Variants in ADAT2 observed in about 807,000 individuals in gnomAD.
The protein encoded by ADAT2 is adenosine deaminase tRNA specific 2, also known as tRNA-specific adenosine-34 deaminase catalytic subunit ADAT2.
ADAT2 carries 26 observed loss-of-function variants against 25.9 expected under a neutral mutation model. The observed-to-expected ratio is 1.00, with a 90% CI of 0.74 to 1.39. The LOEUF is 1.39. ADAT2 is among the 40% of genes most tolerant of loss of function. The pLI is 0.00. For synonymous variants in ADAT2, 76 were observed against 86.8 expected (o/e 0.88, Z 0.69); for missense variants, 220 against 244.8 (o/e 0.90, Z 0.68).
Position 143,440,455 on chromosome 6 carries a change from G to A in ADAT2, c.97-1761C>T, listed in dbSNP as rs957243693. Among the ~76,000 whole-genome samples the A allele has an allele frequency of 1.3e-5, 2 of 152,178 alleles. No individual in the cohort carries two copies. The highest frequency in any genetic ancestry group is 2.9e-5 in the Non-Finnish European group (2 of 68,034). On this transcript the variant is annotated intron_variant, in intron 1 of 5. Transcript: ENST00000237283. The surrounding 1 kb of genome is among the most constrained non-coding windows in gnomAD (Gnocchi z 4.5). ...TTCATTTGGCCATTAGAGGAAAAAG[G>A]AGACGCCCACAGCAGGAGCAAACTG...
At position 143,427,378 on chromosome 6, in the gene ADAT2, T is replaced by C. The variant is rs1032449138; in HGVS notation, c.*1085A>G. On this transcript the variant is annotated 3_prime_UTR_variant, in exon 6 of 6. Coordinates refer to ENST00000237283, the MANE Select transcript of ADAT2 (RefSeq NM_182503.3). The stretch of plus-strand genomic sequence containing the variant: ...CCTCCAGGGCCTGGAGCTGAGCTTC[T>C]GGTGGAACGGCGAGGCCCCCTTCTG... 4.6e-5 allele frequency: 7 copies of C among 152,456 alleles called. No homozygotes were observed. Among genetic ancestry groups the C allele is most frequent in the Non-Finnish European group, 1.0e-4 (7 of 68,064 alleles). 9.4% of individuals were successfully genotyped at this position (152,456 alleles called of 1,614,324 possible).
At position 143,428,720 on chromosome 6, in the gene ADAT2, C is replaced by T. The variant is rs774068144; in HGVS notation, c.460-36G>A. 6.3e-7 allele frequency: 1 copy of T among 1,594,506 alleles called. No homozygotes were observed. The highest frequency in any genetic ancestry group is 1.1e-5 in the South Asian group (1 of 89,914). On this transcript the variant is annotated intron_variant, in intron 4 of 5. Coordinates refer to ENST00000237283, the MANE Select transcript of ADAT2 (RefSeq NM_182503.3). This position sits in a 1 kb window ranked among gnomAD's most constrained non-coding sequence, Gnocchi z 5.0. Reference sequence around the variant, plus strand: ...GAGAAAGTTGAGAATAAACATAGGCCTATGAAAATGTGTGCTGTATCCCAT... The same window carrying T: ...GAGAAAGTTGAGAATAAACATAGGCTTATGAAAATGTGTGCTGTATCCCAT...
rs1779387402 is a variant in ADAT2, at chr6:143,439,325, AAAG to A, written c.97-634_97-632del. 2.0e-5 allele frequency among the ~76,000 whole-genome samples: 3 copies of A among 146,884 alleles called. No individual in the cohort carries two copies. In the South Asian group the frequency reaches 6.4e-4, roughly 31 times the overall value. On this transcript the variant is annotated intron_variant, in intron 1 of 5. Coordinates refer to ENST00000237283, the MANE Select transcript of ADAT2 (RefSeq NM_182503.3). ...ACAAAATTCCACTCCTAAGTATTTA[AAAG>A]AAGGGAATATGTGTCTACAAAAAAA...
chr6:143,428,296 TA>T lies in ADAT2; in HGVS notation c.*166del. On this transcript the variant is annotated 3_prime_UTR_variant, in exon 6 of 6. Transcript: ENST00000237283. This position sits in a 1 kb window ranked among gnomAD's most constrained non-coding sequence, Gnocchi z 5.0. ...TAACTGTTTACAATTGTCAGACTTC[TA>T]AAAAGTGCTAATTTGTTCCCTTAAC... is the stretch of plus-strand genomic sequence containing the variant. 2 of 695,752 alleles carry T rather than the reference TA, an allele frequency of 2.9e-6. No individual in the cohort carries two copies. The highest frequency in any genetic ancestry group is 4.8e-6 in the Non-Finnish European group (2 of 419,702). 43.1% of individuals were successfully genotyped at this position (695,752 alleles called of 1,614,324 possible).
chr6:143,440,873 C>A lies in ADAT2; in HGVS notation c.97-2179G>T, dbSNP rs1237895444. 6.6e-6 allele frequency among the ~76,000 whole-genome samples: 1 copy of A among 152,098 alleles called. No individual in the cohort carries two copies. Among genetic ancestry groups the A allele is most frequent in the Non-Finnish European group, 1.5e-5 (1 of 68,008 alleles). On this transcript the variant is annotated intron_variant, in intron 1 of 5. Transcript: ENST00000237283. The surrounding 1 kb of genome is among the most constrained non-coding windows in gnomAD (Gnocchi z 4.5). ...AGAAGAGACAAATCATTTATTCATG[C>A]AAAAAATATTTGTTGAGGATCTTGA...
Position 143,446,371 on chromosome 6 carries a change from T to A in ADAT2, c.96+4192A>T, listed in dbSNP as rs1381153768. On this transcript the variant is annotated intron_variant, in intron 1 of 5. Coordinates refer to ENST00000237283, the MANE Select transcript of ADAT2 (RefSeq NM_182503.3). This position sits in a 1 kb window ranked among gnomAD's most constrained non-coding sequence, Gnocchi z 5.0. ...TATCTGATTCAACCAACTAGTCTCC[T>A]ATTATTTGACATTTAAGTGATTCAA... 2.6e-5 allele frequency among the ~76,000 whole-genome samples: 4 copies of A among 152,188 alleles called. No homozygotes were observed. Among genetic ancestry groups the A allele is most frequent in the Non-Finnish European group, 5.9e-5 (4 of 68,034 alleles).
chr6:143,449,126 G>A (rs1779680889), intron 1 of ADAT2, among the ~76,000 whole-genome samples: 1 of 151,798 alleles, frequency 6.6e-6, no homozygotes, highest in Non-Finnish European at 1.5e-5. Context: ...GGCTCACTGC[G>A]ACCTCAATCT....
rs1779018424 is a variant in ADAT2, at chr6:143,428,761, A to G, written c.460-77T>C. Reference sequence around the variant, plus strand: ...TGTATCCCATAAAAACAACATATATATACATGATTATGTAAACAGATTTCA... The same window carrying G: ...TGTATCCCATAAAAACAACATATATGTACATGATTATGTAAACAGATTTCA... On this transcript the variant is annotated intron_variant, in intron 4 of 5. Coordinates refer to ENST00000237283, the MANE Select transcript of ADAT2 (RefSeq NM_182503.3). The surrounding 1 kb of genome is among the most constrained non-coding windows in gnomAD (Gnocchi z 5.0). 2 of 1,303,178 alleles carry G rather than the reference A, an allele frequency of 1.5e-6. No individual in the cohort carries two copies. Among genetic ancestry groups the G allele is most frequent in the African/African-American group, 1.5e-5 (1 of 67,450 alleles). The allele number at this position is 1,303,178 out of a possible 1,614,324, so 80.7% of individuals were successfully genotyped here.
chr6:143,422,949 C>T lies in ADAT2; in HGVS notation c.*5514G>A, dbSNP rs1224468348. 6.6e-6 allele frequency: 1 copy of T among 152,164 alleles called. No homozygotes were observed. The highest frequency in any genetic ancestry group is 2.4e-5 in the African/African-American group (1 of 41,438). The allele number at this position is 152,164 out of a possible 1,614,324, so 9.4% of individuals were successfully genotyped here. On this transcript the variant is annotated 3_prime_UTR_variant, in exon 6 of 6. Coordinates refer to ENST00000237283, the MANE Select transcript of ADAT2 (RefSeq NM_182503.3). The surrounding 1 kb of genome is among the most constrained non-coding windows in gnomAD (Gnocchi z 4.3). ...AAATAAAACATTCTAAGCCAGAAAACATATTTTGGTATCTTAGATTTTTCC... is the reference window on the plus strand; with the variant it reads ...AAATAAAACATTCTAAGCCAGAAAATATATTTTGGTATCTTAGATTTTTCC...
At position 143,427,878 on chromosome 6, in the gene ADAT2, G is replaced by A. The variant is rs1327373518; in HGVS notation, c.*585C>T. Reference sequence around the variant, plus strand: ...CTATAATTTTTAAGTGACAACTCAAGCACTTGTTTTAAAAGTATGCATTTT... The same window carrying A: ...CTATAATTTTTAAGTGACAACTCAAACACTTGTTTTAAAAGTATGCATTTT... On this transcript the variant is annotated 3_prime_UTR_variant, in exon 6 of 6. Coordinates refer to ENST00000237283, the MANE Select transcript of ADAT2 (RefSeq NM_182503.3). The A allele has an allele frequency of 6.6e-6, 1 of 152,162 alleles. No individual in the cohort carries two copies. Among genetic ancestry groups the A allele is most frequent in the Non-Finnish European group, 1.5e-5 (1 of 68,066 alleles). The allele number at this position is 152,162 out of a possible 1,614,324, so 9.4% of individuals were successfully genotyped here.
chr6:143,443,117 AT>A (rs1779508168), intron 1 of ADAT2, among the ~76,000 whole-genome samples: 1 of 151,046 alleles, frequency 6.6e-6, no homozygotes, highest in South Asian at 2.1e-4. Flanking sequence ...GATCTTCCCC[AT>A]TTTACAGATG....
chr6:143,430,524 A>C (rs1779075492), intron 4 of ADAT2, among the ~76,000 whole-genome samples: 2 of 152,276 alleles, frequency 1.3e-5, no homozygotes, highest in East Asian at 3.9e-4. Context: ...AGTATCCATT[A>C]TAGCAACAAA....
chr6:143,437,925 T>C lies in ADAT2; in HGVS notation c.201+665A>G, dbSNP rs1238886922. Among the ~76,000 whole-genome samples, 6 of 152,230 alleles carry C rather than the reference T, an allele frequency of 3.9e-5. No homozygotes were observed. Among genetic ancestry groups the C allele is most frequent in the Non-Finnish European group, 8.8e-5 (6 of 68,038 alleles). ...ATCATGACACACTATTGTGATACCA[T>C]GTTTAAGAAGCATTGCCTTGAACCA... On this transcript the variant is annotated intron_variant, in intron 2 of 5. Coordinates refer to ENST00000237283, the MANE Select transcript of ADAT2 (RefSeq NM_182503.3). This position sits in a 1 kb window ranked among gnomAD's most constrained non-coding sequence, Gnocchi z 4.1.
rs1779360795 is a variant in ADAT2, at chr6:143,438,515, AC to A, written c.201+74del. 3 of 1,205,266 alleles carry A rather than the reference AC, an allele frequency of 2.5e-6. No individual in the cohort carries two copies. The South Asian group carries it at 3.8e-5, about 15-fold the overall frequency. 74.7% of individuals were successfully genotyped at this position (1,205,266 alleles called of 1,614,324 possible). A position where few individuals can be genotyped will look rare whatever the true frequency, so the allele number is the denominator to read the frequency against. ...GGACTATATTCAGTCTCACCTTCAC[AC>A]CAACTGTGGTAAATTCTCTCCAGTC... On this transcript the variant is annotated intron_variant, in intron 2 of 5. Transcript: ENST00000237283.
rs1375615306 is a variant in ADAT2, at chr6:143,426,615, T to G, written c.*1848A>C. 6.6e-6 allele frequency: 1 copy of G among 152,204 alleles called. No homozygotes were observed. The highest frequency in any genetic ancestry group is 2.4e-5 in the African/African-American group (1 of 41,446). 9.4% of individuals were successfully genotyped at this position (152,204 alleles called of 1,614,324 possible). On this transcript the variant is annotated 3_prime_UTR_variant, in exon 6 of 6. Transcript: ENST00000237283. This position sits in a 1 kb window ranked among gnomAD's most constrained non-coding sequence, Gnocchi z 4.1. ...TATATTGTTAAGTCTTTTCTATCCT[T>G]CCCTGTCTATCACTTTATTATTTCC...
rs1378005163 is a variant in ADAT2 at position 143,428,523 on chromosome 6, A to C, written c.533-17T>G. ...ATTTTGGTGCTGTGAAAAGAATAGAAAAGAAAAAGAAAATGAAGAGGTAAG... is the reference window on the plus strand; with the variant it reads ...ATTTTGGTGCTGTGAAAAGAATAGACAAGAAAAAGAAAATGAAGAGGTAAG... On this transcript the variant is annotated splice_polypyrimidine_tract_variant and intron_variant, in intron 5 of 5. Transcript: ENST00000237283. The surrounding 1 kb of genome is among the most constrained non-coding windows in gnomAD (Gnocchi z 5.0). 2.5e-6 allele frequency: 4 copies of C among 1,613,664 alleles called. No homozygotes were observed. Among genetic ancestry groups the C allele is most frequent in the Non-Finnish European group, 3.4e-6 (4 of 1,179,862 alleles).
intron 2 of ADAT2, among the ~76,000 whole-genome samples, chr6:143,438,055 A>C (rs1422270609): frequency 6.6e-6 from 1 of 152,152 alleles, no homozygotes; most frequent in African/African-American, 2.4e-5. Context: ...ATTTTGTTGA[A>C]TTATCTGATA....
chr6:143,442,861 G>C lies in ADAT2; in HGVS notation c.97-4167C>G, dbSNP rs1779501598. Reference sequence around the variant, plus strand: ...AATTCAGCAAGGTGGTGGCAATTTAGGTGGAATGGTGGAGATGAAAACCAG... The same window carrying C: ...AATTCAGCAAGGTGGTGGCAATTTACGTGGAATGGTGGAGATGAAAACCAG... On this transcript the variant is annotated intron_variant, in intron 1 of 5. Transcript: ENST00000237283. This position sits in a 1 kb window ranked among gnomAD's most constrained non-coding sequence, Gnocchi z 4.6. Among the ~76,000 whole-genome samples, 1 of 152,138 alleles carries C rather than the reference G, an allele frequency of 6.6e-6. No individual in the cohort carries two copies. Among genetic ancestry groups the C allele is most frequent in the African/African-American group, 2.4e-5 (1 of 41,426 alleles).
At position 143,426,149 on chromosome 6, in the gene ADAT2, CT is replaced by C. The variant is rs1778928221; in HGVS notation, c.*2313del. 6.6e-6 allele frequency: 1 copy of C among 152,230 alleles called. No homozygotes were observed. Among genetic ancestry groups the C allele is most frequent in the African/African-American group, 2.4e-5 (1 of 41,458 alleles). 9.4% of individuals were successfully genotyped at this position (152,230 alleles called of 1,614,324 possible). Reference sequence around the variant, plus strand: ...GAACTATTTTGTACACAAAACAAGTCTTTCAGCTGGTGTCTTGGACAGGCAC... The same window carrying C: ...GAACTATTTTGTACACAAAACAAGTCTTCAGCTGGTGTCTTGGACAGGCAC... On this transcript the variant is annotated 3_prime_UTR_variant, in exon 6 of 6. Coordinates refer to ENST00000237283, the MANE Select transcript of ADAT2 (RefSeq NM_182503.3). The surrounding 1 kb of genome is among the most constrained non-coding windows in gnomAD (Gnocchi z 4.1).
Sources: allele counts gnomAD v4.1 joint callset (sites outside exome capture counted in the v4.1 genomes callset), GRCh38; gene constraint gnomAD v4.1.1; non-coding constraint Gnocchi (gnomAD v3.1); transcripts MANE v1.5; gene names NCBI Gene and HGNC (gene_info 2026-07-23, HGNC 2026-07-21).